The following TMEM38B variants were observed in gnomAD, a reference collection of about 807,000 sequenced individuals.
TMEM38B encodes the protein transmembrane protein 38B, also known as trimeric intracellular cation channel type B.
In TMEM38B, 24 loss-of-function variants were observed where a neutral mutation model predicts 28.7. The ratio of observed to expected loss-of-function variants is 0.84; its 90% confidence interval spans 0.61 to 1.18. TMEM38B has a LOEUF of 1.18. TMEM38B is among the 50% of genes most tolerant of loss of function. The pLI, the probability that TMEM38B is intolerant of heterozygous loss-of-function variation, is 0.00. For synonymous variants in TMEM38B, 131 were observed against 127.7 expected, an observed-to-expected ratio of 1.03 and a Z score of -0.17; for missense variants, 380 against 350.9, an observed-to-expected ratio of 1.08 and a Z score of -0.66.
chr9:105,746,526 A>G (rs1489786014), intron 4 of TMEM38B, among the ~76,000 whole-genome samples: 2 of 152,134 alleles, frequency 1.3e-5, no homozygotes, highest in African/African-American at 4.8e-5. Context: ...TCTGCAAACA[A>G]GGACAATTTG....
rs1045743211 is a variant in TMEM38B at position 105,776,043 on chromosome 9, A to G, written c.*1963A>G. Reference sequence around the variant, plus strand: ...TAGGCCTGAAACCCATCCTGAATCTATTCAGGTCACCTGTAGAGTCTTGAC... The same window carrying G: ...TAGGCCTGAAACCCATCCTGAATCTGTTCAGGTCACCTGTAGAGTCTTGAC... On this transcript the variant is annotated 3_prime_UTR_variant, in exon 6 of 6. Coordinates refer to ENST00000374692, the MANE Select transcript of TMEM38B (RefSeq NM_018112.3). 2.0e-5 allele frequency: 3 copies of G among 152,212 alleles called. No individual in the cohort carries two copies. Among genetic ancestry groups the G allele is most frequent in the East Asian group, 1.9e-4 (1 of 5,188 alleles). 9.4% of individuals were successfully genotyped at this position (152,212 alleles called of 1,614,324 possible). A position where few individuals can be genotyped will look rare whatever the true frequency, so the allele number is the denominator to read the frequency against.
At chr9:105,769,461 G>A (rs1053190357) in intron 5 of TMEM38B, among the ~76,000 whole-genome samples, 2 of 152,132 alleles carry the variant, frequency 1.3e-5, no homozygotes, top group Non-Finnish European at 2.9e-5. Context: ...GACTACAGGT[G>A]TGTGCCACCA....
chr9:105,721,761 G>C, intron 3 of TMEM38B, 40 bp downstream of exon 3: 1 of 1,470,052 alleles, frequency 6.8e-7, no homozygotes, highest in Non-Finnish European at 9.3e-7. Flanking sequence ...TTCTGTTGTT[G>C]GTGTATTATT....
chr9:105,770,538 G>GT lies in TMEM38B; in HGVS notation c.661-3318dup, dbSNP rs1010258071. Among the ~76,000 whole-genome samples, 198 of 150,866 alleles carry GT rather than the reference G, an allele frequency of 1.3e-3. 1 individual carries two copies. Among genetic ancestry groups the GT allele is most frequent in the African/African-American group, 4.7e-3 (192 of 41,140 alleles). On this transcript the variant is annotated intron_variant, in intron 5 of 5. Coordinates refer to ENST00000374692, the MANE Select transcript of TMEM38B (RefSeq NM_018112.3). ...AGAAATGAACAGTTCATTCACCTAGGTTTTTTTTTACATTTGTAAAAATGT... is the reference window on the plus strand; with the variant it reads ...AGAAATGAACAGTTCATTCACCTAGGTTTTTTTTTTACATTTGTAAAAATGT...
At chr9:105,747,953 C>A (rs1190749128) in intron 4 of TMEM38B, 120 bp from the exon 5 acceptor site, 3 of 653,470 alleles carry the variant, frequency 4.6e-6, no homozygotes, top group Non-Finnish European at 5.3e-6. Flanking sequence ...TAACAAAACT[C>A]ATTTTTGCAT....
At chr9:105,704,139 G>T (rs1269737817) in intron 1 of TMEM38B, among the ~76,000 whole-genome samples, 1 of 152,006 alleles carries the variant, frequency 6.6e-6, no homozygotes, top group African/African-American at 2.4e-5. Flanking sequence ...GCTAGATGAC[G>T]AGTTAGTGGG....
intron 4 of TMEM38B, among the ~76,000 whole-genome samples, chr9:105,732,220 A>G (rs1270470734): frequency 6.6e-6 from 1 of 152,092 alleles, no homozygotes; most frequent in Admixed American, 6.5e-5. Flanking sequence ...ACTTTGTCAG[A>G]TGGGTAGATT....
In TMEM38B at chr9:105,698,209, G is replaced by C. The variant is rs1835351899; in HGVS notation, c.112+3437G>C. ...TTTGCTGCTTGTAGCCAAGAACCCGGGTTCCATTTCTTTTTCTAGCCTCTT... is the reference window on the plus strand; with the variant it reads ...TTTGCTGCTTGTAGCCAAGAACCCGCGTTCCATTTCTTTTTCTAGCCTCTT... On this transcript the variant is annotated intron_variant, in intron 1 of 5. Transcript: ENST00000374692. Among the ~76,000 whole-genome samples, 3 of 151,728 alleles carry C rather than the reference G, an allele frequency of 2.0e-5. No homozygotes were observed. In the South Asian group the frequency reaches 6.2e-4, roughly 31 times the overall value.
At chr9:105,738,063 G>A (rs1837050236) in intron 4 of TMEM38B, among the ~76,000 whole-genome samples, 1 of 152,136 alleles carries the variant, frequency 6.6e-6, no homozygotes, top group Non-Finnish European at 1.5e-5. Flanking sequence ...CTACAGAGCA[G>A]GATGCACTCC....
At chr9:105,719,867 G>A (rs1030359757) in intron 2 of TMEM38B, among the ~76,000 whole-genome samples, 8 of 151,822 alleles carry the variant, frequency 5.3e-5, no homozygotes, top group Non-Finnish European at 1.2e-4. Context: ...TACTGCTAAG[G>A]TGAAAACAAA....
At chr9:105,739,923 C>T (rs1275413817) in intron 4 of TMEM38B, among the ~76,000 whole-genome samples, 1 of 151,842 alleles carries the variant, frequency 6.6e-6, no homozygotes, top group African/African-American at 2.4e-5. Context: ...TGCTCTGTCA[C>T]CTAGGTTGGA....
chr9:105,758,949 G>T (rs1318577351), intron 5 of TMEM38B: 1 of 1,353,230 alleles, frequency 7.4e-7, no homozygotes, highest in Non-Finnish European at 1.1e-6. Context: ...ATCCCTAGAA[G>T]AAGTCATAAA....
rs865819415 is a variant in TMEM38B, at chr9:105,773,870, C to A, written c.666C>A (p.Thr222=). The part of the protein sequence containing the change: ...YTIFIVATKI[T]MMTTQTSTMT... Reference sequence around the variant, plus strand: ...ATTAAACTTTTTTCCCCCAGATAACCATGATGACTACACAGACTTCTACTA... The same window carrying A: ...ATTAAACTTTTTTCCCCCAGATAACAATGATGACTACACAGACTTCTACTA... The change falls in exon 6 of 6, where the codon ACC becomes ACA. Residue 222 remains threonine (T), a synonymous_variant. Transcript: ENST00000374692. 3 of 1,608,384 alleles carry A rather than the reference C, an allele frequency of 1.9e-6. No homozygotes were observed. The highest frequency in any genetic ancestry group is 3.3e-4 in the Middle Eastern group (2 of 6,032).
In TMEM38B at chr9:105,754,128, A is replaced by G. The variant is rs867734069; in HGVS notation, c.660+5938A>G. Among the ~76,000 whole-genome samples, 4 of 151,980 alleles carry G rather than the reference A, an allele frequency of 2.6e-5. No homozygotes were observed. In the South Asian group the frequency reaches 8.3e-4, roughly 32 times the overall value. ...ATATGAACCCAATACAGGAGCACCCAGATTCATAAAGCAAGTCCTTAGAGA... is the reference window on the plus strand; with the variant it reads ...ATATGAACCCAATACAGGAGCACCCGGATTCATAAAGCAAGTCCTTAGAGA... On this transcript the variant is annotated intron_variant, in intron 5 of 5. Transcript: ENST00000374692.
At chr9:105,713,123 C>T (rs1835967005) in intron 2 of TMEM38B, among the ~76,000 whole-genome samples, 1 of 152,200 alleles carries the variant, frequency 6.6e-6, no homozygotes, top group African/African-American at 2.4e-5. Flanking sequence ...CTGCAGCTGC[C>T]CAAGTCATGG....
intron 4 of TMEM38B, among the ~76,000 whole-genome samples, chr9:105,731,063 C>A (rs1390727710): frequency 6.6e-6 from 1 of 151,982 alleles, no homozygotes; most frequent in Admixed American, 6.6e-5. Context: ...TCTCTATCTC[C>A]TTCAGTTCTG....
rs1826713454 is a variant in TMEM38B, at chr9:105,776,136, G to T, written c.*2056G>T. The T allele has an allele frequency of 6.6e-6, 1 of 151,956 alleles. No individual in the cohort carries two copies. The highest frequency in any genetic ancestry group is 1.5e-5 in the Non-Finnish European group (1 of 68,002). The allele number at this position is 151,956 out of a possible 1,614,324, so 9.4% of individuals were successfully genotyped here. On this transcript the variant is annotated 3_prime_UTR_variant, in exon 6 of 6. Coordinates refer to ENST00000374692, the MANE Select transcript of TMEM38B (RefSeq NM_018112.3). The stretch of plus-strand genomic sequence containing the variant: ...AAGTGTGAATAAGGCCTATAGGCCT[G>T]CCTCACACAGCTAATCAGAGGTGGC...
intron 4 of TMEM38B, among the ~76,000 whole-genome samples, chr9:105,740,260 GTTT>G (rs35669330): frequency 3.5e-4 from 39 of 111,404 alleles, no homozygotes; most frequent in Non-Finnish European, 5.0e-4. Context: ...ATTCCTAGGT[GTTT>G]TTTTTTTTTT....
chr9:105,694,777 G>A lies in TMEM38B; in HGVS notation c.112+5G>A. The A allele has an allele frequency of 1.9e-6, 3 of 1,610,606 alleles. No homozygotes were observed. The highest frequency in any genetic ancestry group is 2.5e-6 in the Non-Finnish European group (3 of 1,178,450). On this transcript the variant is annotated splice_donor_5th_base_variant and intron_variant, in intron 1 of 5. Transcript: ENST00000374692. The stretch of plus-strand genomic sequence containing the variant: ...TGGCGGTGAAACGTCAGCCGGGTGA[G>A]TGCGGGGCGCCGCGGGCCGGACCCC...
Sources: allele counts gnomAD v4.1 joint callset (sites outside exome capture counted in the v4.1 genomes callset), GRCh38; gene constraint gnomAD v4.1.1; transcripts MANE v1.5; gene names NCBI Gene and HGNC (gene_info 2026-07-23, HGNC 2026-07-21).